Variants in KCNQ3 observed in about 807,000 individuals in gnomAD.
KCNQ3 encodes the protein potassium voltage-gated channel subfamily KQT member 3.
A neutral mutation model predicts 92.5 loss-of-function variants in KCNQ3; 30 were observed. The observed-to-expected ratio is 0.32, with a 90% confidence interval of 0.24 to 0.44. The LOEUF (loss-of-function observed/expected upper bound fraction) is 0.44, where lower values mean the gene tolerates loss of function less well. KCNQ3 is among the 20% of genes least tolerant of loss of function. KCNQ3 has a pLI of 1.00. For missense variants in KCNQ3, 913 were observed against 1,140.3 expected, an observed-to-expected ratio of 0.80 and a Z score of 2.87; for synonymous variants, 450 against 468.8, an observed-to-expected ratio of 0.96 and a Z score of 0.52.
At chr8:132,426,324 T>TGGTTC (rs1459697181) in intron 1 of KCNQ3, among the ~76,000 whole-genome samples, 1 of 152,236 alleles carries the variant, frequency 6.6e-6, no homozygotes, top group Non-Finnish European at 1.5e-5. Flanking sequence ...ACACCGGCCA[T>TGGTTC]GGTTCCTGCT....
intron 1 of KCNQ3, among the ~76,000 whole-genome samples, chr8:132,336,581 C>T (rs1480291147): frequency 1.3e-5 from 2 of 152,178 alleles, no homozygotes; most frequent in African/African-American, 2.4e-5. Context: ...AGGGAGCCTG[C>T]CTTTGGGATC....
chr8:132,136,950 GCC>G (rs11293588), intron 12 of KCNQ3, among the ~76,000 whole-genome samples: 1 of 148,098 alleles, frequency 6.8e-6, no homozygotes, highest in African/African-American at 2.5e-5. Context: ...TGCAACCTCC[GCC>G]CCCCCAGGTT....
At chr8:132,139,178 G>GA (rs1825206424) in intron 11 of KCNQ3, among the ~76,000 whole-genome samples, 1 of 152,234 alleles carries the variant, frequency 6.6e-6, no homozygotes, top group Non-Finnish European at 1.5e-5. Flanking sequence ...AGACATCAAT[G>GA]AAAATGCTAA....
intron 1 of KCNQ3, among the ~76,000 whole-genome samples, chr8:132,376,796 G>A (rs1346792972): frequency 6.6e-6 from 1 of 152,138 alleles, no homozygotes; most frequent in South Asian, 2.1e-4. Flanking sequence ...AGAAATTAGA[G>A]GCCTAGAGAG....
intron 1 of KCNQ3, among the ~76,000 whole-genome samples, chr8:132,449,255 G>A (rs999534018): frequency 3.9e-5 from 6 of 151,976 alleles, no homozygotes; most frequent in Non-Finnish European, 7.4e-5. Context: ...GCCTGCCTCC[G>A]CATCCCTTCT....
chr8:132,366,653 A>G (rs1819330686), intron 1 of KCNQ3, among the ~76,000 whole-genome samples: 1 of 152,188 alleles, frequency 6.6e-6, no homozygotes. Flanking sequence ...ATTATAATTT[A>G]ACTAAGAAAA....
chr8:132,379,483 T>G (rs1819689198), intron 1 of KCNQ3, among the ~76,000 whole-genome samples: 1 of 152,170 alleles, frequency 6.6e-6, no homozygotes, highest in African/African-American at 2.4e-5. Context: ...CACCCTATTT[T>G]CTGTACATAA....
chr8:132,430,734 T>C (rs958885004), intron 1 of KCNQ3, among the ~76,000 whole-genome samples: 9 of 152,202 alleles, frequency 5.9e-5, no homozygotes, highest in Admixed American at 1.3e-4. Context: ...CTCAGCGCAG[T>C]GTACCTCTCC....
intron 1 of KCNQ3, among the ~76,000 whole-genome samples, chr8:132,316,555 A>G (rs556788542): frequency 6.6e-6 from 1 of 152,342 alleles, no homozygotes; most frequent in East Asian, 1.9e-4. Flanking sequence ...CTAGCACAGC[A>G]TCTAGCCCAG....
At chr8:132,231,409 A>C (rs566379382) in intron 1 of KCNQ3, among the ~76,000 whole-genome samples, 1 of 152,310 alleles carries the variant, frequency 6.6e-6, no homozygotes, top group African/African-American at 2.4e-5. Flanking sequence ...TTGCCCCAAA[A>C]TTTATATATT....
At chr8:132,170,920 G>A (rs569534489) in intron 7 of KCNQ3, among the ~76,000 whole-genome samples, 12 of 152,046 alleles carry the variant, frequency 7.9e-5, no homozygotes, top group South Asian at 4.2e-4. Context: ...CTGGGAGGCT[G>A]AAGTGGGAGG....
At chr8:132,161,489 G>A (rs748475260) in intron 9 of KCNQ3, among the ~76,000 whole-genome samples, 30 of 151,948 alleles carry the variant, frequency 2.0e-4, no homozygotes, top group South Asian at 4.2e-4. Flanking sequence ...AAAATTAGCC[G>A]GGTGTGGTGG....
intron 1 of KCNQ3, among the ~76,000 whole-genome samples, chr8:132,419,428 T>C (rs1217307806): frequency 2.0e-5 from 3 of 152,248 alleles, no homozygotes; most frequent in Non-Finnish European, 4.4e-5. Context: ...CCCTCTGTCT[T>C]ACCATTGTTA....
chr8:132,272,216 C>T (rs1342499675), intron 1 of KCNQ3, among the ~76,000 whole-genome samples: 1 of 152,172 alleles, frequency 6.6e-6, no homozygotes, highest in African/African-American at 2.4e-5. Context: ...AGTAGATTAA[C>T]AGTAATGTGA....
At chr8:132,335,599 G>A (rs1390670270) in intron 1 of KCNQ3, among the ~76,000 whole-genome samples, 1 of 152,174 alleles carries the variant, frequency 6.6e-6, no homozygotes, top group Non-Finnish European at 1.5e-5. Context: ...GGGATGTCAG[G>A]TCTCCTTTCT....
chr8:132,441,165 T>G (rs1184576410), intron 1 of KCNQ3, among the ~76,000 whole-genome samples: 1 of 152,184 alleles, frequency 6.6e-6, no homozygotes, highest in Non-Finnish European at 1.5e-5. Context: ...CTTGAAGACC[T>G]CAAAAGTAGG....
At position 132,123,152 on chromosome 8, in the gene KCNQ3, A is replaced by C. The variant is rs1204627515; in HGVS notation, c.*6110T>G. The C allele has an allele frequency of 6.6e-6, 1 of 152,216 alleles. No homozygotes were observed. The highest frequency in any genetic ancestry group is 1.5e-5 in the Non-Finnish European group (1 of 68,046). The allele number at this position is 152,216 out of a possible 1,614,324, so 9.4% of individuals were successfully genotyped here. On this transcript the variant is annotated 3_prime_UTR_variant, in exon 15 of 15. Coordinates refer to ENST00000388996, the MANE Select transcript of KCNQ3 (RefSeq NM_004519.4). Reference sequence around the variant, plus strand: ...AAACCATAGGGATTTATCAAGAAGAAACCCTGTTTAATTGGCCTATAGATG... The same window carrying C: ...AAACCATAGGGATTTATCAAGAAGACACCCTGTTTAATTGGCCTATAGATG...
At chr8:132,408,794 G>A (rs1269585377) in intron 1 of KCNQ3, among the ~76,000 whole-genome samples, 1 of 152,170 alleles carries the variant, frequency 6.6e-6, no homozygotes, top group Non-Finnish European at 1.5e-5. Flanking sequence ...AGGCAGCTAG[G>A]AGCTGGGAGC....
intron 1 of KCNQ3, among the ~76,000 whole-genome samples, chr8:132,398,097 T>C (rs1820239735): frequency 6.6e-6 from 1 of 152,172 alleles, no homozygotes; most frequent in Non-Finnish European, 1.5e-5. Flanking sequence ...AACAACAAAT[T>C]CCATCCACAG....
Sources: gnomAD v4.1 joint callset for allele counts (sites outside exome capture counted in the v4.1 genomes callset) on GRCh38, gnomAD v4.1.1 for gene constraint, MANE v1.5 for transcripts, NCBI Gene and HGNC (gene_info 2026-07-23, HGNC 2026-07-21) for gene names.